The following EPHA6 variants were observed in gnomAD, a reference collection of about 807,000 sequenced individuals.
EPHA6 encodes ephrin type-A receptor 6.
Under a neutral mutation model 112.0 loss-of-function variants are expected in EPHA6, and 50 were observed. The ratio of observed to expected loss-of-function variants is 0.45; its 90% confidence interval spans 0.36 to 0.56. The LOEUF (loss-of-function observed/expected upper bound fraction) is 0.56. Ranked by LOEUF, EPHA6 falls within the 20% of genes least tolerant of loss-of-function variation. The pLI is 0.00. For synonymous variants in EPHA6, 529 were observed against 490.7 expected (o/e 1.08, Z -1.03); for missense variants, 1,280 against 1,417.4 (o/e 0.90, Z 1.56).
intron 5 of EPHA6, among the ~76,000 whole-genome samples, chr3:97,404,842 T>C (rs1443666755): frequency 4.6e-5 from 7 of 152,314 alleles, no homozygotes; most frequent in Admixed American, 2.0e-4. Context: ...TTTCATGTTA[T>C]AGCTCAAGAC....
intron 3 of EPHA6, among the ~76,000 whole-genome samples, chr3:97,052,175 T>A (rs1157030626): frequency 6.6e-6 from 1 of 152,128 alleles, no homozygotes; most frequent in African/African-American, 2.4e-5. Flanking sequence ...GGCTCTACAG[T>A]GCACACTGTT....
chr3:96,858,516 G>T (rs566243395), intron 1 of EPHA6, among the ~76,000 whole-genome samples: 1 of 152,068 alleles, frequency 6.6e-6, no homozygotes, highest in South Asian at 2.1e-4. Context: ...CTTGTGTGTC[G>T]TGATATTAGG....
intron 9 of EPHA6, chr3:97,481,523 G>T: frequency 1.1e-6 from 1 of 909,458 alleles, no homozygotes; most frequent in Non-Finnish European, 1.8e-6. Flanking sequence ...GCGGGGCTAA[G>T]TGCAGGCCCG....
intron 2 of EPHA6, among the ~76,000 whole-genome samples, chr3:96,883,554 G>A (rs2107517641): frequency 6.6e-6 from 1 of 152,260 alleles, no homozygotes; most frequent in Non-Finnish European, 1.5e-5. Context: ...TCAGGTCTTA[G>A]GTTTAAGTCC....
intron 5 of EPHA6, among the ~76,000 whole-genome samples, chr3:97,252,603 G>C (rs2079174838): frequency 6.6e-6 from 1 of 152,120 alleles, no homozygotes; most frequent in Non-Finnish European, 1.5e-5. Flanking sequence ...GACTATGACA[G>C]CAGTCACAGG....
intron 3 of EPHA6, among the ~76,000 whole-genome samples, chr3:97,037,027 T>C (rs568451102): frequency 6.6e-5 from 10 of 152,128 alleles, no homozygotes; most frequent in African/African-American, 2.4e-4. Context: ...TTAAGTATAC[T>C]AATGAGGCAA....
At chr3:97,652,946 G>A (rs150479011) in intron 14 of EPHA6, among the ~76,000 whole-genome samples, 120 of 151,972 alleles carry the variant, frequency 7.9e-4, no homozygotes, top group Non-Finnish European at 7.2e-4. Flanking sequence ...CATATTAATA[G>A]ATAACATAAA....
chr3:97,083,444 T>C (rs1362842298), intron 3 of EPHA6, among the ~76,000 whole-genome samples: 1 of 152,042 alleles, frequency 6.6e-6, no homozygotes, highest in Non-Finnish European at 1.5e-5. Flanking sequence ...CTCTTTTTTA[T>C]ATCACATGCT....
chr3:97,393,228 G>T (rs922812325), intron 5 of EPHA6, among the ~76,000 whole-genome samples: 1 of 151,758 alleles, frequency 6.6e-6, no homozygotes, highest in Non-Finnish European at 1.5e-5. Flanking sequence ...GTAATAATAA[G>T]GTCAGAAGAA....
chr3:97,676,754 G>A (rs182991393), intron 14 of EPHA6, among the ~76,000 whole-genome samples: 54 of 152,276 alleles, frequency 3.5e-4, no homozygotes, highest in Admixed American at 3.2e-3. Context: ...CTCTAGTACT[G>A]GAAGGAAATA....
intron 3 of EPHA6, among the ~76,000 whole-genome samples, chr3:97,214,481 CA>C (rs1166034294): frequency 0.13 from 8,309 of 63,000 alleles, 674 homozygotes; most frequent in African/African-American, 0.33. Context: ...AACTTTGTCT[CA>C]AAAAAAAAAA....
intron 5 of EPHA6, among the ~76,000 whole-genome samples, chr3:97,316,447 A>G (rs1253125517): frequency 6.6e-6 from 1 of 151,850 alleles, no homozygotes; most frequent in Non-Finnish European, 1.5e-5. Context: ...GCAAGGAGAA[A>G]CCTCACAGAG....
intron 3 of EPHA6, among the ~76,000 whole-genome samples, chr3:97,146,727 T>C (rs2076052276): frequency 6.6e-6 from 1 of 151,996 alleles, no homozygotes; most frequent in African/African-American, 2.4e-5. Flanking sequence ...AACTCTTCTT[T>C]ATCTTTAGTT....
At chr3:97,742,491 C>T (rs1160354570) in intron 16 of EPHA6, among the ~76,000 whole-genome samples, 1 of 151,992 alleles carries the variant, frequency 6.6e-6, no homozygotes, top group Non-Finnish European at 1.5e-5. Flanking sequence ...TTTTAATTTT[C>T]ATTCCTTCAT....
chr3:97,356,297 G>C (rs976400257), intron 5 of EPHA6, among the ~76,000 whole-genome samples: 1 of 152,104 alleles, frequency 6.6e-6, no homozygotes, highest in Non-Finnish European at 1.5e-5. Context: ...TCTACATTAT[G>C]GTGAGCTGTA....
At chr3:97,119,322 C>G (rs567969768) in intron 3 of EPHA6, among the ~76,000 whole-genome samples, 1 of 152,080 alleles carries the variant, frequency 6.6e-6, no homozygotes, top group African/African-American at 2.4e-5. Flanking sequence ...TCTCTAGGTG[C>G]GTGTTGCCTA....
intron 3 of EPHA6, among the ~76,000 whole-genome samples, chr3:97,186,178 G>A (rs146667895): frequency 3.3e-5 from 5 of 150,924 alleles, no homozygotes; most frequent in South Asian, 2.1e-4. Context: ...TAACCTGCAC[G>A]TTGTGCACAT....
At chr3:97,276,577 T>C (rs1326774827) in intron 5 of EPHA6, among the ~76,000 whole-genome samples, 1 of 152,098 alleles carries the variant, frequency 6.6e-6, no homozygotes, top group African/African-American at 2.4e-5. Flanking sequence ...ACTTTTTTTC[T>C]ATTATTGTAC....
chr3:97,266,634 G>C lies in EPHA6; in HGVS notation c.1606+22347G>C, dbSNP rs569756946. On this transcript the variant is annotated intron_variant, in intron 5 of 17. Transcript: ENST00000389672. ...AAAGAATTGTCTTGGCAAAAGCCTG[G>C]GTAGATTTGTAAAATACTAGAGAAT... 3.3e-5 allele frequency among the ~76,000 whole-genome samples: 5 copies of C among 152,134 alleles called. 1 individual carries two copies. In the East Asian group the frequency reaches 9.7e-4, roughly 29 times the overall value.
Sources: gnomAD v4.1 joint callset for allele counts (sites outside exome capture counted in the v4.1 genomes callset) on GRCh38, gnomAD v4.1.1 for gene constraint, MANE v1.5 for transcripts, NCBI Gene and HGNC (gene_info 2026-07-23, HGNC 2026-07-21) for gene names.